KCNN3: variants seen among roughly 807,000 people sequenced by gnomAD.
The protein encoded by KCNN3 is potassium calcium-activated channel subfamily N member 3.
In KCNN3, 16 loss-of-function variants were observed where a neutral mutation model predicts 62.9. That is an observed-to-expected ratio of 0.25 (90% confidence interval 0.17 to 0.39). KCNN3 has a LOEUF of 0.39. Ranked by LOEUF, KCNN3 falls within the 10% of genes least tolerant of loss-of-function variation. KCNN3 has a pLI of 1.00. For synonymous variants in KCNN3, 370 were observed against 389.2 expected (o/e 0.95, Z 0.58); for missense variants, 599 against 949.4 (o/e 0.63, Z 4.85).
intron 3 of KCNN3, among the ~76,000 whole-genome samples, chr1:154,754,892 C>CA (rs1280883411): frequency 1.3e-5 from 2 of 152,102 alleles, no homozygotes; most frequent in African/African-American, 4.8e-5. Flanking sequence ...AACAGAGAAG[C>CA]AGAGAGAGAA....
rs951309483 is a variant in KCNN3 at position 154,705,436 on chromosome 1, C to T, written c.*2540G>A. 6.6e-6 allele frequency: 1 copy of T among 152,096 alleles called. No individual in the cohort carries two copies. 9.4% of individuals were successfully genotyped at this position (152,096 alleles called of 1,614,324 possible). A position where few individuals can be genotyped will look rare whatever the true frequency, so the allele number is the denominator to read the frequency against. ...TGCCAAGAATAAAAATCATGTATAG[C>T]TATTGCACTACCAATAGGTCAATTC... On this transcript the variant is annotated 3_prime_UTR_variant, in exon 8 of 8. Transcript: ENST00000271915.
intron 2 of KCNN3, among the ~76,000 whole-genome samples, chr1:154,804,085 G>A (rs984816534): frequency 6.6e-6 from 1 of 152,212 alleles, no homozygotes; most frequent in East Asian, 1.9e-4. Context: ...GTGGACTCCA[G>A]CCGCTCTCTG....
At chr1:154,761,556 C>T (rs1276587056) in intron 3 of KCNN3, among the ~76,000 whole-genome samples, 13 of 152,172 alleles carry the variant, frequency 8.5e-5, no homozygotes, top group Non-Finnish European at 1.5e-5. Context: ...ATCTATAAAT[C>T]GGTAATATCC....
At chr1:154,813,380 C>T (rs1650515359) in intron 2 of KCNN3, among the ~76,000 whole-genome samples, 1 of 152,120 alleles carries the variant, frequency 6.6e-6, no homozygotes, top group African/African-American at 2.4e-5. Context: ...CAAGGTAACA[C>T]ATAGCTGGGT....
chr1:154,785,572 C>CT lies in KCNN3; in HGVS notation c.1030-13180dup, dbSNP rs59033291. On this transcript the variant is annotated intron_variant, in intron 2 of 7. Coordinates refer to ENST00000271915, the MANE Select transcript of KCNN3 (RefSeq NM_002249.6). ...CTGGGGCCTAAGCACTTTTCTTTTT[C>CT]TTTTTTTTTTTTTTTTTTTTTTTTT... Among the ~76,000 whole-genome samples the CT allele has an allele frequency of 4.7e-3, 503 of 107,896 alleles. 7 individuals carry two copies. Among genetic ancestry groups the CT allele is most frequent in the African/African-American group, 0.017 (443 of 26,140 alleles). 70.8% of individuals were successfully genotyped at this position (107,896 alleles called of 152,430 possible). A position where few individuals can be genotyped will look rare whatever the true frequency, so the allele number is the denominator to read the frequency against.
intron 1 of KCNN3, 56 bp downstream of exon 1, chr1:154,868,976 C>G (rs1376361536): frequency 1.3e-6 from 2 of 1,504,072 alleles, no homozygotes; most frequent in Non-Finnish European, 1.8e-6. Flanking sequence ...CAATCCCTCT[C>G]TTGCTACCTA....
intron 2 of KCNN3, among the ~76,000 whole-genome samples, chr1:154,780,170 G>A (rs1169949343): frequency 6.7e-6 from 1 of 149,580 alleles, no homozygotes; most frequent in East Asian, 2.0e-4. Context: ...GGCATGCAGG[G>A]AAGCTTGCCT....
chr1:154,840,666 A>G (rs1280954374), intron 1 of KCNN3, among the ~76,000 whole-genome samples: 3 of 152,192 alleles, frequency 2.0e-5, no homozygotes, highest in Non-Finnish European at 2.9e-5. Context: ...AGAATTCTCT[A>G]TTTCTTTCCA....
At position 154,808,424 on chromosome 1, in the gene KCNN3, A is replaced by G. The variant is rs1650268429; in HGVS notation, c.1029+13665T>C. 3.9e-5 allele frequency among the ~76,000 whole-genome samples: 6 copies of G among 152,230 alleles called. No individual in the cohort carries two copies. In the South Asian group the frequency reaches 1.2e-3, roughly 32 times the overall value. On this transcript the variant is annotated intron_variant, in intron 2 of 7. Transcript: ENST00000271915. ...CTAGAACTGACCCCATGACCATCTC[A>G]GATGCCCTGCACAGCAGCGTCCTCA... is the stretch of plus-strand genomic sequence containing the variant.
At chr1:154,711,869 G>C (rs1370080196) in intron 7 of KCNN3, among the ~76,000 whole-genome samples, 1 of 152,102 alleles carries the variant, frequency 6.6e-6, no homozygotes, top group Non-Finnish European at 1.5e-5. Context: ...CTGTCGCGGG[G>C]ACAGGAGGCA....
intron 3 of KCNN3, among the ~76,000 whole-genome samples, chr1:154,755,306 A>C (rs1452549332): frequency 6.6e-6 from 1 of 151,716 alleles, no homozygotes; most frequent in East Asian, 1.9e-4. Context: ...TCTGTCGCCA[A>C]AAAATTTTTG....
chr1:154,755,842 AAAGAAGGAAGAAGGAAG>A (rs1355685211), intron 3 of KCNN3, among the ~76,000 whole-genome samples: 2 of 125,552 alleles, frequency 1.6e-5, no homozygotes, highest in Non-Finnish European at 3.3e-5. Flanking sequence ...GAGGAGGGGG[AAAGAAGGAAGAAGGAAG>A]AAGAAGGAAG....
rs376039172 is a variant in KCNN3 at position 154,869,164 on chromosome 1, G to T, written c.801C>A (p.Gly267=). ...GGGCCCTCCTGTGTCCCAGCTTATA[G>T]CCAATGTTTTGGTTTTTCCGCTTGT... is the stretch of plus-strand genomic sequence containing the variant. ...KANKRKNQNI[G]YKLGHRRALF... The change falls in exon 1 of 8, where the codon GGC becomes GGA. Residue 267 remains glycine, a synonymous_variant. Coordinates refer to ENST00000271915, the MANE Select transcript of KCNN3 (RefSeq NM_002249.6). This position sits in a 1 kb window ranked among gnomAD's most constrained non-coding sequence, Gnocchi z 6.1. 1.7e-5 allele frequency: 28 copies of T among 1,613,998 alleles called. No homozygotes were observed. The highest frequency in any genetic ancestry group is 2.4e-5 in the Non-Finnish European group (28 of 1,180,022).
chr1:154,753,432 G>T (rs1647482023), intron 3 of KCNN3, among the ~76,000 whole-genome samples: 1 of 152,158 alleles, frequency 6.6e-6, no homozygotes, highest in Non-Finnish European at 1.5e-5. Flanking sequence ...AAAGAAATTA[G>T]AAAATGACTG....
intron 2 of KCNN3, among the ~76,000 whole-genome samples, chr1:154,789,430 G>T (rs1268020525): frequency 7.2e-6 from 1 of 138,920 alleles, no homozygotes; most frequent in East Asian, 1.9e-4. Flanking sequence ...CGGTGGGGCA[G>T]GGGGGGGCAT....
intron 1 of KCNN3, among the ~76,000 whole-genome samples, chr1:154,835,261 T>C (rs1369437940): frequency 6.6e-6 from 1 of 152,226 alleles, no homozygotes. Context: ...TGTATGCCTG[T>C]TATCTGGCAT....
chr1:154,705,681 T>C lies in KCNN3; in HGVS notation c.*2295A>G, dbSNP rs1231246980. 1 of 152,198 alleles carries C rather than the reference T, an allele frequency of 6.6e-6. No homozygotes were observed. The highest frequency in any genetic ancestry group is 2.4e-5 in the African/African-American group (1 of 41,440). 9.4% of individuals were successfully genotyped at this position (152,198 alleles called of 1,614,324 possible). On this transcript the variant is annotated 3_prime_UTR_variant, in exon 8 of 8. Coordinates refer to ENST00000271915, the MANE Select transcript of KCNN3 (RefSeq NM_002249.6). The stretch of plus-strand genomic sequence containing the variant: ...CAGTGGAATCTTGCATGTCATTTGG[T>C]TGAAATTAAGACTAAATCTCTATAT...
chr1:154,757,648 T>C (rs960223577), intron 3 of KCNN3, among the ~76,000 whole-genome samples: 15 of 152,108 alleles, frequency 9.9e-5, no homozygotes, highest in Admixed American at 2.6e-4. Flanking sequence ...AGGAAAATAA[T>C]GCCGAGGAAA....
At chr1:154,708,521 A>G (rs1367156010) in intron 7 of KCNN3, among the ~76,000 whole-genome samples, 6 of 151,890 alleles carry the variant, frequency 4.0e-5, no homozygotes, top group Non-Finnish European at 8.8e-5. Flanking sequence ...CACCAAGGGG[A>G]AAAAAATGGC....
Sources: gnomAD v4.1 joint callset for allele counts (sites outside exome capture counted in the v4.1 genomes callset) on GRCh38, gnomAD v4.1.1 for gene constraint, Gnocchi (gnomAD v3.1) non-coding constraint, MANE v1.5 for transcripts, NCBI Gene and HGNC (gene_info 2026-07-23, HGNC 2026-07-21) for gene names.